AK1: variants seen among roughly 807,000 people sequenced by gnomAD.
AK1 encodes the protein adenylate kinase isoenzyme 1.
AK1 carries 13 observed loss-of-function variants against 23.9 expected under a neutral mutation model. The ratio of observed to expected loss-of-function variants is 0.54; its 90% CI spans 0.35 to 0.86. The LOEUF (loss-of-function observed/expected upper bound fraction) is 0.86, where lower values mean the gene tolerates loss of function less well. Ranked by LOEUF, AK1 falls within the 40% of genes least tolerant of loss-of-function variation. The pLI, the probability that AK1 is intolerant of heterozygous loss-of-function variation, is 0.01. For synonymous variants in AK1, 97 were observed against 102.8 expected (o/e 0.94, Z 0.34); for missense variants, 214 against 255.1 (o/e 0.84, Z 1.10).
intron 2 of AK1, 175 bp from the exon 3 acceptor site, chr9:127,873,236 C>A: frequency 6.5e-7 from 1 of 1,536,804 alleles, no homozygotes; most frequent in Non-Finnish European, 8.7e-7. Flanking sequence ...TGAGTGAGCT[C>A]GGAGCCTGGG....
chr9:127,868,183 G>T lies in AK1; in HGVS notation c.517-107C>A. 1.4e-6 allele frequency: 2 copies of T among 1,470,772 alleles called. No homozygotes were observed. Among genetic ancestry groups the T allele is most frequent in the Non-Finnish European group, 1.9e-6 (2 of 1,063,364 alleles). The allele number at this position is 1,470,772 out of a possible 1,614,324, so 91.1% of individuals were successfully genotyped here. A position where few individuals can be genotyped will look rare whatever the true frequency, so the allele number is the denominator to read the frequency against. ...CTGCCTCCCCGAGCCCAACCTAATT[G>T]ACAGCAGCCCCTCATTGAACCAGTG... On this transcript the variant is annotated intron_variant, in intron 6 of 6. Transcript: ENST00000644144. This position sits in a 1 kb window ranked among gnomAD's most constrained non-coding sequence, Gnocchi z 4.1.
rs1171679970 is a variant in AK1, at chr9:127,867,353, C to G, written c.*655G>C. 1 of 152,910 alleles carries G rather than the reference C, an allele frequency of 6.5e-6. No homozygotes were observed. The highest frequency in any genetic ancestry group is 1.5e-5 in the Non-Finnish European group (1 of 68,542). 9.5% of individuals were successfully genotyped at this position (152,910 alleles called of 1,614,324 possible). A position where few individuals can be genotyped will look rare whatever the true frequency, so the allele number is the denominator to read the frequency against. On this transcript the variant is annotated 3_prime_UTR_variant, in exon 7 of 7. Transcript: ENST00000644144. The stretch of plus-strand genomic sequence containing the variant: ...GTGACATGACTGACTCCCCACCCAC[C>G]CATGCCATTGAGATGCCCTTTTCAG...
At chr9:127,873,435 G>GAGC in intron 2 of AK1, 1 of 1,554,544 alleles carries the variant, frequency 6.4e-7, no homozygotes, top group Non-Finnish European at 8.7e-7. Context: ...GTCACTCGAG[G>GAGC]AGCAGCAGCC....
chr9:127,876,992 A>C (rs1320770305), intron 1 of AK1, among the ~76,000 whole-genome samples: 1 of 152,128 alleles, frequency 6.6e-6, no homozygotes, highest in Non-Finnish European at 1.5e-5. Context: ...GTGGCAACTG[A>C]CTAGGGTTCG....
In AK1 at chr9:127,868,635, C is replaced by A. The variant is rs907570996; in HGVS notation, c.325-123G>T. On this transcript the variant is annotated intron_variant, in intron 5 of 6. Coordinates refer to ENST00000644144, the MANE Select transcript of AK1 (RefSeq NM_000476.3). The surrounding 1 kb of genome is among the most constrained non-coding windows in gnomAD (Gnocchi z 4.1). ...CAGACCTTCAATCCCTTCCCCAAGGCAGCCTGAAAGACCTTCCTAAAACCA... is the reference window on the plus strand; with the variant it reads ...CAGACCTTCAATCCCTTCCCCAAGGAAGCCTGAAAGACCTTCCTAAAACCA... The A allele has an allele frequency of 1.0e-5, 12 of 1,192,576 alleles. No individual in the cohort carries two copies. The highest frequency in any genetic ancestry group is 1.4e-5 in the Non-Finnish European group (12 of 838,664). The allele number at this position is 1,192,576 out of a possible 1,614,324, so 73.9% of individuals were successfully genotyped here. A position where few individuals can be genotyped will look rare whatever the true frequency, so the allele number is the denominator to read the frequency against.
chr9:127,870,891 C>T (rs1030373189), intron 5 of AK1, among the ~76,000 whole-genome samples: 4 of 146,986 alleles, frequency 2.7e-5, no homozygotes, highest in East Asian at 1.9e-4. Context: ...GTTAGGCTCC[C>T]CCTAGCCCTT....
At position 127,866,534 on chromosome 9, in the gene AK1, T is replaced by C. The variant is rs1829252399; in HGVS notation, c.*1474A>G. Reference sequence around the variant, plus strand: ...TTTAAAGGAAACTTTAAATAACCAATGGAAATGAAAAACCAGCCCCACTTG... The same window carrying C: ...TTTAAAGGAAACTTTAAATAACCAACGGAAATGAAAAACCAGCCCCACTTG... On this transcript the variant is annotated 3_prime_UTR_variant, in exon 7 of 7. Coordinates refer to ENST00000644144, the MANE Select transcript of AK1 (RefSeq NM_000476.3). 6.6e-6 allele frequency: 1 copy of C among 152,190 alleles called. No homozygotes were observed. The highest frequency in any genetic ancestry group is 6.5e-5 in the Admixed American group (1 of 15,274). The allele number at this position is 152,190 out of a possible 1,614,324, so 9.4% of individuals were successfully genotyped here.
In AK1 at chr9:127,874,513, C is replaced by T; in HGVS notation, c.7+98G>A. 8 of 1,609,982 alleles carry T rather than the reference C, an allele frequency of 5.0e-6. No homozygotes were observed. The South Asian group carries it at 7.7e-5, about 16-fold the overall frequency. On this transcript the variant is annotated intron_variant, in intron 2 of 6. Transcript: ENST00000644144. The stretch of plus-strand genomic sequence containing the variant: ...CCCCCTCCGGCAGCCCCAGAGCCTC[C>T]TCCAACCCCTCCCAGAATGTCTCCC...
chr9:127,872,034 C>G, intron 4 of AK1, 95 bp from the exon 5 acceptor site: 1 of 1,058,568 alleles, frequency 9.4e-7, no homozygotes, highest in Non-Finnish European at 1.5e-6. Context: ...CTGAAATGCC[C>G]TCTCCCCAAC....
intron 5 of AK1, among the ~76,000 whole-genome samples, chr9:127,870,906 A>G (rs1829390914): frequency 6.8e-6 from 1 of 146,984 alleles, no homozygotes; most frequent in South Asian, 2.1e-4. Context: ...GCCCTTGCCG[A>G]CCTCTCCCTC....
At chr9:127,870,888 T>TC (rs1160528065) in intron 5 of AK1, among the ~76,000 whole-genome samples, 1 of 151,578 alleles carries the variant, frequency 6.6e-6, no homozygotes, top group Non-Finnish European at 1.5e-5. Context: ...CTGGTTAGGC[T>TC]CCCCCTAGCC....
At chr9:127,870,848 A>C (rs1392910613) in intron 5 of AK1, among the ~76,000 whole-genome samples, 1 of 149,546 alleles carries the variant, frequency 6.7e-6, no homozygotes, top group Middle Eastern at 3.3e-3. Flanking sequence ...TGGGGATGGG[A>C]GTCTTATCCT....
chr9:127,878,142 G>A (rs1829581794), upstream of AK1, among the ~76,000 whole-genome samples: 1 of 152,222 alleles, frequency 6.6e-6, no homozygotes, highest in Non-Finnish European at 1.5e-5. Context: ...CCCGCCCTCA[G>A]AGCCTGCCCA....
intron 5 of AK1, among the ~76,000 whole-genome samples, chr9:127,870,200 C>CTTTTTTTTTTT (rs36059128): frequency 8.2e-6 from 1 of 122,302 alleles, no homozygotes; most frequent in Non-Finnish European, 1.6e-5. Context: ...AGGGTGGGGA[C>CTTTTTTTTTTT]TTTTTTTTTT....
intron 5 of AK1, among the ~76,000 whole-genome samples, chr9:127,870,160 G>A (rs1829356061): frequency 6.6e-6 from 1 of 150,482 alleles, no homozygotes; most frequent in African/African-American, 2.4e-5. Context: ...TGAGCCTGCG[G>A]CCCTCAGCGG....
In AK1 at chr9:127,872,687, C is replaced by T. The variant is rs768602942; in HGVS notation, c.207+3G>A. ...GCCTCTCACCCCACCAGGGCCCACT[C>T]ACCAGTGGAACCAGCTGCCCCTTCT... is the stretch of plus-strand genomic sequence containing the variant. On this transcript the variant is annotated splice_donor_region_variant and intron_variant, in intron 4 of 6. Coordinates refer to ENST00000644144, the MANE Select transcript of AK1 (RefSeq NM_000476.3). 1.9e-6 allele frequency: 3 copies of T among 1,614,058 alleles called. No homozygotes were observed. The South Asian group carries it at 3.3e-5, about 18-fold the overall frequency.
At chr9:127,874,368 A>C in intron 2 of AK1, 1 of 985,328 alleles carries the variant, frequency 1.0e-6, no homozygotes, top group Non-Finnish European at 1.2e-6. Flanking sequence ...AACCCAGCAT[A>C]GGGGGTGTGC....
chr9:127,879,423 G>A (rs3758321), upstream of AK1: 134,282 of 151,694 alleles, frequency 0.89, 60,519 homozygotes, highest in South Asian at 0.98. Context: ...TCAGGAGTTC[G>A]AGACCAGCCT....
chr9:127,874,588 G>A, intron 2 of AK1, 23 bp downstream of exon 2: 5 of 1,613,246 alleles, frequency 3.1e-6, no homozygotes, highest in Non-Finnish European at 4.2e-6. Flanking sequence ...CAGGCAATGG[G>A]CAAAAGGAGA....
Sources: allele counts gnomAD v4.1 joint callset (sites outside exome capture counted in the v4.1 genomes callset), GRCh38; gene constraint gnomAD v4.1.1; non-coding constraint Gnocchi (gnomAD v3.1); transcripts MANE v1.5; gene names NCBI Gene and HGNC (gene_info 2026-07-23, HGNC 2026-07-21).